Variants in GPAT3 observed in about 807,000 individuals in gnomAD.
GPAT3 encodes the protein glycerol-3-phosphate acyltransferase 3.
A neutral mutation model predicts 58.8 loss-of-function variants in GPAT3; 53 were observed. The observed-to-expected ratio is 0.90, with a 90% CI of 0.72 to 1.13. GPAT3 has a LOEUF of 1.13. Ranked by LOEUF, GPAT3 falls within the 50% of genes most tolerant of loss-of-function variation. The pLI is 0.00. For missense variants in GPAT3, 511 were observed against 527.6 expected (o/e 0.97, Z 0.31); for synonymous variants, 197 against 187.4 (o/e 1.05, Z -0.42).
At chr4:83,564,314 G>A (rs1725301182) in intron 2 of GPAT3, among the ~76,000 whole-genome samples, 1 of 152,148 alleles carries the variant, frequency 6.6e-6, no homozygotes, top group South Asian at 2.1e-4. Context: ...AGGGTCAGTT[G>A]CATTAATTTT....
rs201723846 is a variant in GPAT3 at position 83,581,760 on chromosome 4, A to T, written c.407A>T (p.Tyr136Phe). 349 of 1,614,102 alleles carry T rather than the reference A, an allele frequency of 2.2e-4. No homozygotes were observed. The highest frequency in any genetic ancestry group is 2.7e-4 in the Non-Finnish European group (319 of 1,180,048). ...ACAAGAACCAATGTAAATTTCCAGT[A>T]CATCAGTCTGCGGCTCACTATGGTG... Reference protein sequence around the residue: ...LLTRTNVNFQYISLRLTMVWV... With the variant: ...LLTRTNVNFQFISLRLTMVWV... Residue 136 changes from tyrosine to phenylalanine, a missense_variant, in exon 3 of 12, where the codon TAC becomes TTC. Tyr to Phe is a conservative substitution (Grantham distance 22, BLOSUM62 3). Transcript: ENST00000264409.
In GPAT3 at chr4:83,597,583, TA is replaced by T. The variant is rs1157955208; in HGVS notation, c.996+69del. The T allele has an allele frequency of 3.3e-6, 4 of 1,202,618 alleles. No individual in the cohort carries two copies. The Admixed American group carries it at 1.1e-4, about 33-fold the overall frequency. 74.5% of individuals were successfully genotyped at this position (1,202,618 alleles called of 1,614,324 possible). On this transcript the variant is annotated intron_variant, in intron 9 of 11. Transcript: ENST00000264409. ...TATTGGATTGGTAATTTTATTTTGG[TA>T]GCATTTCAAACTTAAAATTTGCAAG...
At chr4:83,602,394 A>G (rs905354823) in intron 11 of GPAT3, among the ~76,000 whole-genome samples, 20 of 152,206 alleles carry the variant, frequency 1.3e-4, no homozygotes, top group African/African-American at 4.3e-4. Flanking sequence ...TTAATTACCT[A>G]GCCTCTTAAA....
chr4:83,553,714 C>T (rs1436317896), intron 2 of GPAT3, among the ~76,000 whole-genome samples: 1 of 151,884 alleles, frequency 6.6e-6, no homozygotes, highest in East Asian at 1.9e-4. Context: ...GCCTGGGCAA[C>T]ATGGTGAAAC....
intron 5 of GPAT3, among the ~76,000 whole-genome samples, chr4:83,589,451 T>A (rs541187519): frequency 6.6e-6 from 1 of 152,326 alleles, no homozygotes; most frequent in Admixed American, 6.5e-5. Context: ...CCGTGGCTGC[T>A]TTTGTGTCAC....
At chr4:83,598,871 C>G (rs1026735251) in intron 11 of GPAT3, 148 bp downstream of exon 11, 15 of 585,042 alleles carry the variant, frequency 2.6e-5, no homozygotes, top group Non-Finnish European at 3.7e-5. Context: ...TTCACTGTAG[C>G]CTTGACCGCC....
intron 11 of GPAT3, among the ~76,000 whole-genome samples, chr4:83,604,073 T>C (rs1727165596): frequency 6.6e-6 from 1 of 152,130 alleles, no homozygotes; most frequent in Admixed American, 6.5e-5. Flanking sequence ...TTTTGTTTGT[T>C]TGTTTGTTTG....
At chr4:83,582,898 T>A (rs1316885877) in intron 3 of GPAT3, among the ~76,000 whole-genome samples, 1 of 152,194 alleles carries the variant, frequency 6.6e-6, no homozygotes, top group African/African-American at 2.4e-5. Context: ...TAATTTTGCT[T>A]GAACCTTAAA....
At chr4:83,572,881 A>C (rs1392737528) in intron 2 of GPAT3, among the ~76,000 whole-genome samples, 1 of 152,100 alleles carries the variant, frequency 6.6e-6, no homozygotes, top group Non-Finnish European at 1.5e-5. Flanking sequence ...TGGCTTAGGG[A>C]ATGGTTTGGA....
intron 2 of GPAT3, among the ~76,000 whole-genome samples, chr4:83,570,607 G>A (rs1341768685): frequency 6.6e-6 from 1 of 151,856 alleles, no homozygotes; most frequent in Non-Finnish European, 1.5e-5. Flanking sequence ...TGAGTAGCCG[G>A]CACTACAGAT....
At chr4:83,596,546 C>T (rs1726846729) in intron 7 of GPAT3, among the ~76,000 whole-genome samples, 1 of 152,012 alleles carries the variant, frequency 6.6e-6, no homozygotes, top group African/African-American at 2.4e-5. Flanking sequence ...TGCTTGAGCT[C>T]AGGGTGTGGA....
rs978943239 is a variant in GPAT3, at chr4:83,597,608, A to G, written c.996+93A>G. The G allele has an allele frequency of 6.3e-6, 6 of 953,550 alleles. No homozygotes were observed. In the African/African-American group the frequency reaches 1.0e-4, roughly 16 times the overall value. 59.1% of individuals were successfully genotyped at this position (953,550 alleles called of 1,614,324 possible). A position where few individuals can be genotyped will look rare whatever the true frequency, so the allele number is the denominator to read the frequency against. The stretch of plus-strand genomic sequence containing the variant: ...TAGCATTTCAAACTTAAAATTTGCA[A>G]GAACGAGGAACACCAGTTTTCGGAT... On this transcript the variant is annotated intron_variant, in intron 9 of 11. Coordinates refer to ENST00000264409, the MANE Select transcript of GPAT3 (RefSeq NM_032717.5).
chr4:83,564,338 T>G (rs1725302386), intron 2 of GPAT3, among the ~76,000 whole-genome samples: 1 of 152,224 alleles, frequency 6.6e-6, no homozygotes. Context: ...GGGAACTATC[T>G]ACTCATGTTT....
At chr4:83,597,196 T>G (rs1726875148) in intron 8 of GPAT3, among the ~76,000 whole-genome samples, 1 of 152,208 alleles carries the variant, frequency 6.6e-6, no homozygotes, top group Non-Finnish European at 1.5e-5. Flanking sequence ...GTTGAGAAGT[T>G]GTTCCCATAG....
intron 4 of GPAT3, among the ~76,000 whole-genome samples, chr4:83,587,735 TA>T (rs1726432583): frequency 6.6e-6 from 1 of 152,184 alleles, no homozygotes; most frequent in Admixed American, 6.6e-5. Context: ...TGCATTGCAT[TA>T]AATTTATGTT....
At chr4:83,584,917 T>C (rs568160535) in intron 3 of GPAT3, among the ~76,000 whole-genome samples, 9 of 152,318 alleles carry the variant, frequency 5.9e-5, no homozygotes, top group African/African-American at 1.9e-4. Context: ...AACTCTAACA[T>C]TGCCTCACTT....
chr4:83,541,603 T>C (rs907093423), intron 1 of GPAT3, among the ~76,000 whole-genome samples: 3 of 152,136 alleles, frequency 2.0e-5, no homozygotes, highest in Non-Finnish European at 2.9e-5. Context: ...TTTCAGGAGA[T>C]GGAATGCATT....
At chr4:83,575,150 A>G (rs1219400236) in intron 2 of GPAT3, among the ~76,000 whole-genome samples, 1 of 152,052 alleles carries the variant, frequency 6.6e-6, no homozygotes, top group African/African-American at 2.4e-5. Context: ...TGCTGGGATT[A>G]CAGGCGTGAG....
intron 2 of GPAT3, among the ~76,000 whole-genome samples, chr4:83,551,456 G>A (rs1176720857): frequency 1.3e-5 from 2 of 151,410 alleles, no homozygotes; most frequent in African/African-American, 4.9e-5. Flanking sequence ...AGAGCAAGAG[G>A]TGGTGAGGAG....
Sources: gnomAD v4.1 joint callset for allele counts (sites outside exome capture counted in the v4.1 genomes callset) on GRCh38, gnomAD v4.1.1 for gene constraint, MANE v1.5 for transcripts, NCBI Gene and HGNC (gene_info 2026-07-23, HGNC 2026-07-21) for gene names.